The following IGSF9 variants were observed in gnomAD, a reference collection of about 807,000 sequenced individuals.
IGSF9 encodes the protein protein turtle homolog A.
IGSF9 carries 87 observed loss-of-function variants against 121.7 expected under a neutral mutation model. The ratio of observed to expected loss-of-function variants is 0.71; its 90% CI spans 0.60 to 0.85. The LOEUF is 0.85. Among genes scored for constraint, IGSF9 ranks in the 40% least tolerant of loss-of-function variants. The pLI is 0.00. For synonymous variants in IGSF9, 640 were observed against 648.4 expected, an observed-to-expected ratio of 0.99 and a Z score of 0.20; for missense variants, 1,462 against 1,565.3, an observed-to-expected ratio of 0.93 and a Z score of 1.11.
chr1:159,929,657 G>GCGGCGGCGGGCAGCCCTGCGC lies in IGSF9; in HGVS notation c.2286_2306dup (p.Arg764_Arg770dup). ...ACTTACCTTGGCGGAGGCGCTTGCG[G>GCGGCGGCGGGCAGCCCTGCGC]CGGCGGCGGGCAGCCCTGCGCCGGT... On this transcript the variant is annotated inframe_insertion, in exon 17 of 21. Coordinates refer to ENST00000368094, the MANE Select transcript of IGSF9 (RefSeq NM_001135050.2). The GCGGCGGCGGGCAGCCCTGCGC allele has an allele frequency of 6.3e-7, 1 of 1,593,304 alleles. No homozygotes were observed. The highest frequency in any genetic ancestry group is 2.3e-5 in the East Asian group (1 of 44,050).
At position 159,934,484 on chromosome 1, in the gene IGSF9, C is replaced by T. The variant is rs1181318485; in HGVS notation, c.902G>A (p.Cys301Tyr). Residue 301 changes from cysteine (C) to tyrosine (Y), a missense_variant, in exon 8 of 21, where the codon TGT (cysteine) becomes TAT (tyrosine). Physicochemically the swap from Cys to Tyr is radical, Grantham distance 194 (BLOSUM62 -2). Around this residue, in one of 3 missense-constraint regions of IGSF9, gnomAD observed 558 missense variants for 599.4 expected, o/e 0.93. Coordinates refer to ENST00000368094, the MANE Select transcript of IGSF9 (RefSeq NM_001135050.2). ...TQPDDAGCYT[C>Y]VPSNGLLHPP... ...ATGCAGGAGGCCATTGCTGGGCACA[C>T]AGGTGTAGCAGCCGGCATCATCAGG... is the stretch of plus-strand genomic sequence containing the variant. 2 of 1,609,608 alleles carry T rather than the reference C, an allele frequency of 1.2e-6. No individual in the cohort carries two copies. Among genetic ancestry groups the T allele is most frequent in the Non-Finnish European group, 1.7e-6 (2 of 1,178,162 alleles).
chr1:159,930,594 C>A (rs900992577), intron 14 of IGSF9, 98 bp downstream of exon 14: 1 of 1,565,722 alleles, frequency 6.4e-7, no homozygotes, highest in South Asian at 1.1e-5. Flanking sequence ...CTGGCCAGCA[C>A]CTCTGCCCCT....
At chr1:159,930,131 G>C (rs890180647) in intron 15 of IGSF9, 58 bp downstream of exon 15, 7 of 1,557,538 alleles carry the variant, frequency 4.5e-6, no homozygotes, top group African/African-American at 1.4e-5. Flanking sequence ...TTGGGGAATG[G>C]AGAAGGACGC....
rs1650849454 is a variant in IGSF9, at chr1:159,928,731, C to G, written c.2657G>C (p.Cys886Ser). The G allele has an allele frequency of 1.4e-6, 2 of 1,477,990 alleles. No homozygotes were observed. Among genetic ancestry groups the G allele is most frequent in the Non-Finnish European group, 1.8e-6 (2 of 1,112,582 alleles). The allele number at this position is 1,477,990 out of a possible 1,614,324, so 91.6% of individuals were successfully genotyped here. Residue 886 changes from cysteine to serine, a missense_variant, in exon 19 of 21, where the codon TGT becomes TCT. Around this residue, in one of 3 missense-constraint regions of IGSF9, gnomAD observed 808 missense variants for 815.2 expected, o/e 0.99. Transcript: ENST00000368094. ...TGCCCCACTGGGGCTGCTGCTGCTA[C>G]AGTCAAAGGACCGGGCCAGACGCTG... Reference protein sequence around the residue: ...PAQRLARSFDCSSSSPSGAPQ... With the variant: ...PAQRLARSFDSSSSSPSGAPQ...
At chr1:159,944,144 G>C (rs1171365618) in intron 1 of IGSF9, among the ~76,000 whole-genome samples, 2 of 152,138 alleles carry the variant, frequency 1.3e-5, no homozygotes, top group Non-Finnish European at 2.9e-5. Flanking sequence ...CTCAGGGGCA[G>C]AGAGCCAGTC....
intron 1 of IGSF9, among the ~76,000 whole-genome samples, chr1:159,944,902 C>A (rs1352348464): frequency 1.3e-5 from 2 of 152,152 alleles, no homozygotes; most frequent in African/African-American, 4.8e-5. Flanking sequence ...CCCTGAAAAA[C>A]CTTTTTCCAA....
rs142607314 is a variant in IGSF9 at position 159,932,362 on chromosome 1, G to A, written c.1245+150C>T. 6.8e-4 allele frequency: 537 copies of A among 787,574 alleles called. 7 individuals carry two copies. The East Asian group carries it at 0.011, about 16-fold the overall frequency. 48.8% of individuals were successfully genotyped at this position (787,574 alleles called of 1,614,324 possible). On this transcript the variant is annotated intron_variant, in intron 10 of 20. Transcript: ENST00000368094. The surrounding 1 kb of genome is among the most constrained non-coding windows in gnomAD (Gnocchi z 4.1). Reference sequence around the variant, plus strand: ...GCAGAAACCTCTGGGATGGCATCAGGCAGCTGCTGCCGTGGCCACCATGGG... The same window carrying A: ...GCAGAAACCTCTGGGATGGCATCAGACAGCTGCTGCCGTGGCCACCATGGG...
chr1:159,928,897 G>A lies in IGSF9; in HGVS notation c.2491C>T (p.Pro831Ser). 1 of 1,594,800 alleles carries A rather than the reference G, an allele frequency of 6.3e-7. No homozygotes were observed. The highest frequency in any genetic ancestry group is 8.5e-7 in the Non-Finnish European group (1 of 1,171,274). Reference sequence around the variant, plus strand: ...GGTCCCCGGCTAGATGGAGGATCCGGGTGGGGGCTGGGAGTTCCGGCAGGA... The same window carrying A: ...GGTCCCCGGCTAGATGGAGGATCCGAGTGGGGGCTGGGAGTTCCGGCAGGA... ...GDPAGTPSPH[P>S]DPPSSRGPLP... Residue 831 changes from proline to serine, a missense_variant, in exon 19 of 21, where the codon CCG (proline) becomes TCG (serine). Transcript: ENST00000368094.
At chr1:159,927,720 G>C (rs771398264) in intron 20 of IGSF9, 40 bp downstream of exon 20, 65 of 1,604,526 alleles carry the variant, frequency 4.1e-5, no homozygotes, top group Non-Finnish European at 5.3e-5. Flanking sequence ...ATGTGGGACA[G>C]TATGGCCGAG....
At chr1:159,943,738 T>G in intron 1 of IGSF9, 110 bp from the exon 2 acceptor site, 1 of 359,442 alleles carries the variant, frequency 2.8e-6, no homozygotes, top group African/African-American at 2.1e-5. Flanking sequence ...GGAGTGTAGT[T>G]AAGTGAGGGG....
At position 159,928,955 on chromosome 1, in the gene IGSF9, G is replaced by A. The variant is rs1411427733; in HGVS notation, c.2433C>T (p.Val811=). 1 of 1,532,994 alleles carries A rather than the reference G, an allele frequency of 6.5e-7. No individual in the cohort carries two copies. The allele number at this position is 1,532,994 out of a possible 1,614,324, so 95.0% of individuals were successfully genotyped here. A position where few individuals can be genotyped will look rare whatever the true frequency, so the allele number is the denominator to read the frequency against. The change falls in exon 19 of 21, where the codon GTC becomes GTT. Residue 811 remains valine (V), a synonymous_variant. Transcript: ENST00000368094. Reference sequence around the variant, plus strand: ...AGAGCAGACTCTGGCGCAGGCTGGGGACTGGGGATCCCTGGAGCTTCAGCT... The same window carrying A: ...AGAGCAGACTCTGGCGCAGGCTGGGAACTGGGGATCCCTGGAGCTTCAGCT... ...VAKLKLQGSP[V]PSLRQSLLWG...
rs1217574454 is a variant in IGSF9 at position 159,934,475 on chromosome 1, C to T, written c.911G>A (p.Ser304Asn). 1 of 1,607,404 alleles carries T rather than the reference C, an allele frequency of 6.2e-7. No individual in the cohort carries two copies. The highest frequency in any genetic ancestry group is 8.5e-7 in the Non-Finnish European group (1 of 1,176,992). ...DDAGCYTCVP[S>N]NGLLHPPSAS... ...TGAGGGTGGATGCAGGAGGCCATTG[C>T]TGGGCACACAGGTGTAGCAGCCGGC... The change falls in exon 8 of 21, where the codon AGC becomes AAC. Residue 304 changes from serine (S) to asparagine (N), a missense_variant. Coordinates refer to ENST00000368094, the MANE Select transcript of IGSF9 (RefSeq NM_001135050.2).
rs774793958 is a variant in IGSF9 at position 159,929,668 on chromosome 1, C to CAGCCCTGCGCCGGTT, written c.2281_2295dup (p.Asn761_Ala765dup). The CAGCCCTGCGCCGGTT allele has an allele frequency of 9.4e-6, 15 of 1,594,076 alleles. No homozygotes were observed. The South Asian group carries it at 1.2e-4, about 13-fold the overall frequency. ...CGGAGGCGCTTGCGGCGGCGGCGGG[C>CAGCCCTGCGCCGGTT]AGCCCTGCGCCGGTTCAGGAGGCAG... On this transcript the variant is annotated inframe_insertion, in exon 17 of 21. Transcript: ENST00000368094.
chr1:159,936,547 T>G, intron 5 of IGSF9, 31 bp from the exon 6 acceptor site: 2 of 1,601,564 alleles, frequency 1.2e-6, no homozygotes, highest in Non-Finnish European at 1.7e-6. Flanking sequence ...GAAGAGTCCT[T>G]TCCCCTGCCA....
rs369614201 is a variant in IGSF9, at chr1:159,936,993, C to A, written c.401-85G>T. The stretch of plus-strand genomic sequence containing the variant: ...CAAGGGCCAGGGAGACCACTCAGGG[C>A]TCCAGCCTGCTGCCCACCCACCAGC... On this transcript the variant is annotated intron_variant, in intron 4 of 20. Coordinates refer to ENST00000368094, the MANE Select transcript of IGSF9 (RefSeq NM_001135050.2). The A allele has an allele frequency of 8.8e-6, 12 of 1,359,718 alleles. No individual in the cohort carries two copies. In the East Asian group the frequency reaches 1.2e-4, roughly 13 times the overall value. The allele number at this position is 1,359,718 out of a possible 1,614,324, so 84.2% of individuals were successfully genotyped here.
rs752139269 is a variant in IGSF9, at chr1:159,929,662, G to A, written c.2302C>T (p.Arg768Cys). The change falls in exon 17 of 21, where the codon CGC becomes TGC. Residue 768 changes from arginine to cysteine, a missense_variant. Coordinates refer to ENST00000368094, the MANE Select transcript of IGSF9 (RefSeq NM_001135050.2). The stretch of plus-strand genomic sequence containing the variant: ...CCTTGGCGGAGGCGCTTGCGGCGGC[G>A]GCGGGCAGCCCTGCGCCGGTTCAGG... ...CLLNRRRAAR[R>C]RRKRLRQDPP... The A allele has an allele frequency of 6.3e-7, 1 of 1,594,544 alleles. No individual in the cohort carries two copies. Among genetic ancestry groups the A allele is most frequent in the Non-Finnish European group, 8.5e-7 (1 of 1,172,156 alleles).
Position 159,931,360 on chromosome 1 carries a change from A to G in IGSF9, c.1513+93T>C. 1 of 1,598,324 alleles carries G rather than the reference A, an allele frequency of 6.3e-7. No individual in the cohort carries two copies. Among genetic ancestry groups the G allele is most frequent in the Non-Finnish European group, 8.5e-7 (1 of 1,170,038 alleles). On this transcript the variant is annotated intron_variant, in intron 12 of 20. Transcript: ENST00000368094. The surrounding 1 kb of genome is among the most constrained non-coding windows in gnomAD (Gnocchi z 4.8). ...ACTGACCTTCACCCATCATCATCCCAGGGGTCCCACACCCATGATCCTCTT... is the reference window on the plus strand; with the variant it reads ...ACTGACCTTCACCCATCATCATCCCGGGGGTCCCACACCCATGATCCTCTT...
At chr1:159,934,955 G>A (rs1254203990) in intron 6 of IGSF9, 133 bp from the exon 7 acceptor site, 2 of 980,388 alleles carry the variant, frequency 2.0e-6, no homozygotes, top group East Asian at 2.5e-5. Flanking sequence ...TTTGGGGAGT[G>A]GAAGCAGAAG....
chr1:159,944,959 T>C lies in IGSF9; in HGVS notation c.-175+614A>G, dbSNP rs77745211. Among the ~76,000 whole-genome samples, 736 of 152,226 alleles carry C rather than the reference T, an allele frequency of 4.8e-3. 6 individuals are homozygous for C. Among genetic ancestry groups the C allele is most frequent in the African/African-American group, 0.017 (690 of 41,490 alleles). On this transcript the variant is annotated intron_variant, in intron 1 of 20. Coordinates refer to ENST00000368094, the MANE Select transcript of IGSF9 (RefSeq NM_001135050.2). ...CTCTCCTGGTTGTTTTCCGAGACTC[T>C]GAGTAACTAGGCATCCCTAGAATTC... is the stretch of plus-strand genomic sequence containing the variant.
Sources: gnomAD v4.1 joint callset for allele counts (sites outside exome capture counted in the v4.1 genomes callset) on GRCh38, gnomAD v4.1.1 for gene constraint, gnomAD v4.1.1 regional missense constraint, Gnocchi (gnomAD v3.1) non-coding constraint, MANE v1.5 for transcripts, NCBI Gene and HGNC (gene_info 2026-07-23, HGNC 2026-07-21) for gene names.